The following FCHSD2 variants were observed in gnomAD, a reference collection of about 807,000 sequenced individuals.
FCHSD2 encodes the protein F-BAR and double SH3 domains protein 2.
FCHSD2 carries 38 observed loss-of-function variants against 108.1 expected under a neutral mutation model. The ratio of observed to expected loss-of-function variants is 0.35; its 90% CI spans 0.27 to 0.46. FCHSD2 has a LOEUF of 0.46. Among genes scored for constraint, FCHSD2 ranks in the 20% least tolerant of loss-of-function variants. The pLI is 1.00. For synonymous variants in FCHSD2, 279 were observed against 314.7 expected, an observed-to-expected ratio of 0.89 and a Z score of 1.20; for missense variants, 751 against 897.8, an observed-to-expected ratio of 0.84 and a Z score of 2.09.
At chr11:73,031,203 C>T (rs1858352746) in intron 3 of FCHSD2, among the ~76,000 whole-genome samples, 2 of 152,172 alleles carry the variant, frequency 1.3e-5, no homozygotes, top group South Asian at 4.2e-4. Flanking sequence ...AAAGGCCGGG[C>T]ACGGTGGCTC....
At chr11:73,115,459 C>A (rs1860581768) in intron 2 of FCHSD2, among the ~76,000 whole-genome samples, 1 of 152,186 alleles carries the variant, frequency 6.6e-6, no homozygotes, top group Non-Finnish European at 1.5e-5. Flanking sequence ...CCCGCCCTAT[C>A]TCACTGTTTT....
At chr11:72,879,941 G>A (rs1373442496) in intron 12 of FCHSD2, among the ~76,000 whole-genome samples, 1 of 149,082 alleles carries the variant, frequency 6.7e-6, no homozygotes, top group Non-Finnish European at 1.5e-5. Context: ...GGAGCTTGAC[G>A]TGAGCCGAGA....
At chr11:72,898,846 C>T (rs1391917329) in intron 10 of FCHSD2, among the ~76,000 whole-genome samples, 1 of 151,900 alleles carries the variant, frequency 6.6e-6, no homozygotes, top group African/African-American at 2.4e-5. Context: ...CCTCCCACTT[C>T]AGCTTCCTGA....
chr11:72,920,311 A>T (rs1420194551), intron 9 of FCHSD2, among the ~76,000 whole-genome samples: 2 of 152,216 alleles, frequency 1.3e-5, no homozygotes, highest in Non-Finnish European at 2.9e-5. Context: ...TATGACATCA[A>T]ATCTGATAAA....
chr11:73,052,422 A>G (rs1858922458), intron 3 of FCHSD2, among the ~76,000 whole-genome samples: 1 of 152,182 alleles, frequency 6.6e-6, no homozygotes, highest in Non-Finnish European at 1.5e-5. Flanking sequence ...TTTTAAAAAA[A>G]GACACCTGTC....
At chr11:73,047,926 G>A (rs1015370187) in intron 3 of FCHSD2, among the ~76,000 whole-genome samples, 1 of 152,066 alleles carries the variant, frequency 6.6e-6, no homozygotes, top group Non-Finnish European at 1.5e-5. Context: ...ATGCAGAGGG[G>A]GAAATGGCTT....
intron 3 of FCHSD2, among the ~76,000 whole-genome samples, chr11:73,075,951 T>G (rs1314991345): frequency 6.6e-6 from 1 of 151,672 alleles, no homozygotes; most frequent in Non-Finnish European, 1.5e-5. Flanking sequence ...AAACCTCATC[T>G]CTACTAAAAA....
chr11:72,915,930 G>A (rs959583657), intron 9 of FCHSD2, among the ~76,000 whole-genome samples: 1 of 152,196 alleles, frequency 6.6e-6, no homozygotes. Context: ...CATGAATGGA[G>A]CTGGAGGCCA....
chr11:72,963,379 C>T (rs1442887924), intron 8 of FCHSD2, among the ~76,000 whole-genome samples: 1 of 152,138 alleles, frequency 6.6e-6, no homozygotes, highest in Non-Finnish European at 1.5e-5. Flanking sequence ...TTACTAGCAG[C>T]CTCATATTAC....
intron 4 of FCHSD2, among the ~76,000 whole-genome samples, chr11:73,002,509 T>C (rs575124541): frequency 2.6e-5 from 4 of 152,262 alleles, no homozygotes; most frequent in South Asian, 2.1e-4. Flanking sequence ...GTCCCAACAA[T>C]TGATTTTCTT....
intron 8 of FCHSD2, among the ~76,000 whole-genome samples, chr11:72,925,161 T>C (rs1856052164): frequency 6.6e-6 from 1 of 152,200 alleles, no homozygotes; most frequent in Non-Finnish European, 1.5e-5. Flanking sequence ...GGCTCTGTGC[T>C]AGCTGTATGG....
chr11:73,086,478 C>A (rs1309239669), intron 2 of FCHSD2, among the ~76,000 whole-genome samples: 1 of 151,772 alleles, frequency 6.6e-6, no homozygotes, highest in African/African-American at 2.4e-5. Flanking sequence ...ACTTAAGGAA[C>A]TAGAAAAAGA....
chr11:73,081,492 T>C (rs1022491972), intron 3 of FCHSD2, among the ~76,000 whole-genome samples: 4 of 152,124 alleles, frequency 2.6e-5, no homozygotes, highest in African/African-American at 9.7e-5. Context: ...AATTTTGATT[T>C]TGTATTAAAA....
At chr11:72,945,607 C>G (rs1428405126) in intron 8 of FCHSD2, among the ~76,000 whole-genome samples, 1 of 152,172 alleles carries the variant, frequency 6.6e-6, no homozygotes, top group Non-Finnish European at 1.5e-5. Flanking sequence ...TCAGAGTGAA[C>G]AGGCAACCTA....
chr11:72,943,406 T>C (rs1856459091), intron 8 of FCHSD2, among the ~76,000 whole-genome samples: 1 of 152,172 alleles, frequency 6.6e-6, no homozygotes, highest in Admixed American at 6.5e-5. Flanking sequence ...AGATGTCTGA[T>C]GGAGAGGTTT....
chr11:73,008,297 C>CCACTG (rs1174698864), intron 4 of FCHSD2, among the ~76,000 whole-genome samples: 4 of 152,050 alleles, frequency 2.6e-5, no homozygotes, highest in Non-Finnish European at 5.9e-5. Flanking sequence ...CAAGACTGTA[C>CCACTG]CACTGCACTC....
rs186552347 is a variant in FCHSD2 at position 72,957,857 on chromosome 11, C to G, written c.705+26231G>C. Among the ~76,000 whole-genome samples, 5 of 152,112 alleles carry G rather than the reference C, an allele frequency of 3.3e-5. No homozygotes were observed. The East Asian group carries it at 7.7e-4, about 23-fold the overall frequency. On this transcript the variant is annotated intron_variant, in intron 8 of 19. Transcript: ENST00000409418. ...TAAATATATAGTGAGGGAGAGGGAA[C>G]AAACAGAACAAAATGTTAACTGGGG...
At chr11:72,987,107 T>C (rs1031010037) in intron 6 of FCHSD2, among the ~76,000 whole-genome samples, 1 of 152,112 alleles carries the variant, frequency 6.6e-6, no homozygotes, top group Non-Finnish European at 1.5e-5. Context: ...AAATTCATCA[T>C]CTCCTTCAAA....
intron 6 of FCHSD2, among the ~76,000 whole-genome samples, chr11:72,988,192 G>A (rs768987222): frequency 4.6e-5 from 7 of 152,142 alleles, no homozygotes; most frequent in African/African-American, 7.2e-5. Flanking sequence ...CCTAGATTTT[G>A]CATCAGTCAG....
Sources: allele counts gnomAD v4.1 joint callset (sites outside exome capture counted in the v4.1 genomes callset), GRCh38; gene constraint gnomAD v4.1.1; transcripts MANE v1.5; gene names NCBI Gene and HGNC (gene_info 2026-07-23, HGNC 2026-07-21).